The following SLC25A12 variants were observed in gnomAD, a reference collection of about 807,000 sequenced individuals.
SLC25A12 encodes the protein electrogenic aspartate/glutamate antiporter SLC25A12, mitochondrial.
In SLC25A12, 32 loss-of-function variants were observed where a neutral mutation model predicts 83.3. The ratio of observed to expected loss-of-function variants is 0.38; its 90% confidence interval spans 0.29 to 0.52. SLC25A12 has a LOEUF of 0.52. Ranked by LOEUF, SLC25A12 falls within the 20% of genes least tolerant of loss-of-function variation. The pLI is 0.84. For missense variants in SLC25A12, 611 were observed against 835.6 expected, an observed-to-expected ratio of 0.73 and a Z score of 3.31; for synonymous variants, 267 against 291.1, an observed-to-expected ratio of 0.92 and a Z score of 0.84.
intron 9 of SLC25A12, among the ~76,000 whole-genome samples, chr2:171,826,106 G>A (rs1684294782): frequency 6.6e-6 from 1 of 151,944 alleles, no homozygotes; most frequent in Non-Finnish European, 1.5e-5. Flanking sequence ...TTAATTTGAG[G>A]GAAGTTTTTT....
chr2:171,802,183 T>TTG (rs1221025771), intron 13 of SLC25A12, among the ~76,000 whole-genome samples: 1 of 152,044 alleles, frequency 6.6e-6, no homozygotes, highest in Non-Finnish European at 1.5e-5. Flanking sequence ...TTATTATTAT[T>TTG]TGTAGAGATG....
chr2:171,868,868 T>C (rs1219462034), intron 2 of SLC25A12, 45 bp from the exon 3 acceptor site: 8 of 1,452,190 alleles, frequency 5.5e-6, no homozygotes, highest in Non-Finnish European at 2.9e-6. Flanking sequence ...TTATCCAATA[T>C]CATTTTATAT....
chr2:171,808,402 T>C (rs922420422), intron 13 of SLC25A12, among the ~76,000 whole-genome samples: 2 of 140,506 alleles, frequency 1.4e-5, no homozygotes, highest in Non-Finnish European at 3.2e-5. Flanking sequence ...TTTCTGTCAA[T>C]AGCTGAAATG....
At chr2:171,861,022 G>A (rs775409382) in intron 3 of SLC25A12, among the ~76,000 whole-genome samples, 2 of 152,068 alleles carry the variant, frequency 1.3e-5, no homozygotes, top group Non-Finnish European at 2.9e-5. Flanking sequence ...AGCTCAGGAA[G>A]TCGAGGCTGC....
intron 3 of SLC25A12, among the ~76,000 whole-genome samples, chr2:171,865,445 G>A (rs1329994742): frequency 2.0e-5 from 3 of 152,094 alleles, no homozygotes. Flanking sequence ...CAGATCACTT[G>A]AGGTCAGGAG....
At chr2:171,822,627 C>G in intron 9 of SLC25A12, among the ~76,000 whole-genome samples, 1 of 152,114 alleles carries the variant, frequency 6.6e-6, no homozygotes, top group East Asian at 1.9e-4. Flanking sequence ...CTCAAAACAA[C>G]CTGCCCGCCT....
chr2:171,833,071 A>G (rs1157859435), intron 8 of SLC25A12, among the ~76,000 whole-genome samples: 5 of 152,134 alleles, frequency 3.3e-5, no homozygotes, highest in Admixed American at 3.3e-4. Flanking sequence ...ATGTTTGTTC[A>G]TCTTTTTACC....
intron 4 of SLC25A12, among the ~76,000 whole-genome samples, chr2:171,853,173 G>C (rs915231085): frequency 6.6e-6 from 1 of 151,970 alleles, no homozygotes; most frequent in Non-Finnish European, 1.5e-5. Context: ...CACTGCACCT[G>C]GCTTCATCTT....
At chr2:171,798,258 TC>T (rs1683639085) in intron 13 of SLC25A12, among the ~76,000 whole-genome samples, 3 of 152,232 alleles carry the variant, frequency 2.0e-5, no homozygotes, top group Admixed American at 6.5e-5. Context: ...TTTTGAGATG[TC>T]ACCATGCCTC....
intron 13 of SLC25A12, 112 bp from the exon 14 acceptor site, chr2:171,793,879 G>A (rs546298387): frequency 1.6e-6 from 2 of 1,250,966 alleles, no homozygotes; most frequent in South Asian, 1.2e-5. Context: ...AAAGAAGGAG[G>A]TGAAACTTCC....
chr2:171,824,783 A>AG (rs1440864958), intron 9 of SLC25A12, among the ~76,000 whole-genome samples: 1 of 151,944 alleles, frequency 6.6e-6, no homozygotes, highest in Non-Finnish European at 1.5e-5. Flanking sequence ...AAAGGATCTG[A>AG]GACCTCCTAA....
At chr2:171,878,989 C>T (rs970717929) in intron 2 of SLC25A12, among the ~76,000 whole-genome samples, 1 of 152,114 alleles carries the variant, frequency 6.6e-6, no homozygotes, top group African/African-American at 2.4e-5. Context: ...CCCTGTTAAA[C>T]AGTACAATGT....
At chr2:171,893,798 G>C (rs1183010412) in intron 1 of SLC25A12, among the ~76,000 whole-genome samples, 2 of 152,158 alleles carry the variant, frequency 1.3e-5, no homozygotes, top group South Asian at 4.2e-4. Context: ...CGGCCTTATT[G>C]AGGCCCCAAA....
intron 13 of SLC25A12, among the ~76,000 whole-genome samples, chr2:171,797,740 T>A (rs1448633932): frequency 6.6e-6 from 1 of 152,190 alleles, no homozygotes; most frequent in Non-Finnish European, 1.5e-5. Flanking sequence ...AAAAACCTAA[T>A]CAAATATAGC....
At chr2:171,844,792 C>G (rs1244348799) in intron 4 of SLC25A12, among the ~76,000 whole-genome samples, 2 of 152,148 alleles carry the variant, frequency 1.3e-5, no homozygotes, top group Non-Finnish European at 2.9e-5. Context: ...TTCTATCTTA[C>G]ATCATAAATG....
intron 9 of SLC25A12, among the ~76,000 whole-genome samples, chr2:171,818,456 G>C (rs543270629): frequency 6.7e-6 from 1 of 150,212 alleles, no homozygotes; most frequent in South Asian, 2.1e-4. Flanking sequence ...TCATTTTTTT[G>C]TTATACGTAT....
intron 2 of SLC25A12, among the ~76,000 whole-genome samples, chr2:171,884,632 A>T (rs1424341913): frequency 6.6e-6 from 1 of 151,596 alleles, no homozygotes; most frequent in African/African-American, 2.4e-5. Flanking sequence ...AAATTTAGCC[A>T]GGTGTGGTGG....
intron 2 of SLC25A12, among the ~76,000 whole-genome samples, chr2:171,883,974 C>T (rs935404260): frequency 6.6e-6 from 1 of 151,896 alleles, no homozygotes; most frequent in African/African-American, 2.4e-5. Flanking sequence ...GATCTTCCTT[C>T]CTCAGCCTTC....
At chr2:171,832,804 C>CA (rs1442096729) in intron 8 of SLC25A12, among the ~76,000 whole-genome samples, 1 of 152,158 alleles carries the variant, frequency 6.6e-6, no homozygotes, top group East Asian at 1.9e-4. Context: ...AGTCACTGTA[C>CA]AAAATAGAAG....
Sources: gnomAD v4.1 joint callset for allele counts (sites outside exome capture counted in the v4.1 genomes callset) on GRCh38, gnomAD v4.1.1 for gene constraint, MANE v1.5 for transcripts, NCBI Gene and HGNC (gene_info 2026-07-23, HGNC 2026-07-21) for gene names.